Variants in USP12 observed in about 807,000 individuals in gnomAD.
USP12 encodes the protein ubiquitin specific peptidase 12, also known as ubiquitin carboxyl-terminal hydrolase 12.
USP12 carries 19 observed loss-of-function variants against 45.5 expected under a neutral mutation model. The observed-to-expected ratio is 0.42, with a 90% CI of 0.29 to 0.61. The LOEUF is 0.61. Ranked by LOEUF, USP12 falls within the 20% of genes least tolerant of loss-of-function variation. USP12 has a pLI of 0.22. For missense variants in USP12, 242 were observed against 447.7 expected (o/e 0.54, Z 4.15); for synonymous variants, 149 against 148.8 (o/e 1.00, Z -0.01).
At chr13:27,150,163 T>C (rs1877504313) in intron 1 of USP12, among the ~76,000 whole-genome samples, 1 of 152,228 alleles carries the variant, frequency 6.6e-6, no homozygotes, top group Non-Finnish European at 1.5e-5. Flanking sequence ...AATTTGATCA[T>C]TACACATTGT....
chr13:27,083,686 G>A (rs1325128065), intron 6 of USP12, among the ~76,000 whole-genome samples: 1 of 151,994 alleles, frequency 6.6e-6, no homozygotes, highest in African/African-American at 2.4e-5. Context: ...AGTAAATTCT[G>A]GAAAAAGCTG....
chr13:27,082,665 G>A (rs1016385086), intron 6 of USP12, among the ~76,000 whole-genome samples: 3 of 152,208 alleles, frequency 2.0e-5, no homozygotes, highest in African/African-American at 7.2e-5. Context: ...CTTAAAGTGA[G>A]AGACATGTAA....
intron 2 of USP12, among the ~76,000 whole-genome samples, chr13:27,113,289 CA>C (rs2137794543): frequency 6.6e-6 from 1 of 152,120 alleles, no homozygotes; most frequent in East Asian, 1.9e-4. Flanking sequence ...AACAAACAAA[CA>C]AAAAACCCAG....
rs778815459 is a variant in USP12, at chr13:27,105,738, T to C, written c.336A>G (p.Lys112=). The C allele has an allele frequency of 8.7e-6, 14 of 1,613,008 alleles. No individual in the cohort carries two copies. Among genetic ancestry groups the C allele is most frequent in the African/African-American group, 1.3e-5 (1 of 74,914 alleles). The change falls in exon 3 of 9, where the codon AAA becomes AAG. Residue 112 remains lysine (K), a synonymous_variant. Coordinates refer to ENST00000282344, the MANE Select transcript of USP12 (RefSeq NM_182488.4). ...PPKKFITRLR[K]ENELFDNYMQ... ...AGTGGGAAGTAGAATTACCATTTTC[T>C]TTCCGTAATCTTGTGATGAACTTCT...
At chr13:27,148,679 T>C (rs1877423348) in intron 1 of USP12, among the ~76,000 whole-genome samples, 1 of 144,572 alleles carries the variant, frequency 6.9e-6, no homozygotes, top group African/African-American at 2.5e-5. Context: ...AAAAAAATTA[T>C]ATATATATAT....
chr13:27,089,185 C>T (rs546561262), intron 6 of USP12, among the ~76,000 whole-genome samples: 1 of 152,102 alleles, frequency 6.6e-6, no homozygotes, highest in African/African-American at 2.4e-5. Context: ...AGGACATTAC[C>T]GGTACATCCT....
At chr13:27,076,664 A>G (rs1042511846) in intron 6 of USP12, among the ~76,000 whole-genome samples, 4 of 152,178 alleles carry the variant, frequency 2.6e-5, no homozygotes, top group African/African-American at 7.2e-5. Flanking sequence ...TGCAGAACTG[A>G]ATTTTAAATG....
Position 27,082,984 on chromosome 13 carries a change from C to A in USP12, c.734+6899G>T, listed in dbSNP as rs188440991. 1.9e-3 allele frequency among the ~76,000 whole-genome samples: 291 copies of A among 152,270 alleles called. 1 individual carries two copies. Among genetic ancestry groups the A allele is most frequent in the African/African-American group, 6.7e-3 (279 of 41,564 alleles). On this transcript the variant is annotated intron_variant, in intron 6 of 8. Transcript: ENST00000282344. ...CCGAGTTGCTGGGATTATAGGCATGCGCCACCACGTCCAGCTAATTTTGTA... is the reference window on the plus strand; with the variant it reads ...CCGAGTTGCTGGGATTATAGGCATGAGCCACCACGTCCAGCTAATTTTGTA...
intron 1 of USP12, among the ~76,000 whole-genome samples, chr13:27,161,048 T>C (rs150128647): frequency 6.6e-6 from 1 of 152,118 alleles, no homozygotes; most frequent in Non-Finnish European, 1.5e-5. Context: ...TATATCCCGT[T>C]TTGTGGAAAA....
At position 27,089,969 on chromosome 13, in the gene USP12, G is replaced by A. The variant is rs762355410; in HGVS notation, c.651-3C>T. ...GAGTTTCTGTGTTGCTGAAACCCCT[G>A]TGTGAAATTCAAAACAAATTTATTT... On this transcript the variant is annotated splice_region_variant and splice_polypyrimidine_tract_variant and intron_variant, in intron 5 of 8. Coordinates refer to ENST00000282344, the MANE Select transcript of USP12 (RefSeq NM_182488.4). 1.9e-6 allele frequency: 3 copies of A among 1,604,520 alleles called. No homozygotes were observed. The African/African-American group carries it at 4.0e-5, about 21-fold the overall frequency.
At chr13:27,157,541 A>T (rs1391750390) in intron 1 of USP12, among the ~76,000 whole-genome samples, 2 of 152,196 alleles carry the variant, frequency 1.3e-5, no homozygotes, top group East Asian at 1.9e-4. Flanking sequence ...TTTTAAAAAA[A>T]ATATAAGTTT....
intron 2 of USP12, among the ~76,000 whole-genome samples, chr13:27,111,304 A>C (rs17520404): frequency 0.049 from 7,465 of 152,254 alleles, 232 homozygotes; most frequent in Middle Eastern, 0.058. Context: ...AAGACCTAAA[A>C]ATTATCTTTC....
intron 1 of USP12, among the ~76,000 whole-genome samples, chr13:27,118,172 C>T (rs1875829271): frequency 6.6e-6 from 1 of 151,838 alleles, no homozygotes; most frequent in East Asian, 1.9e-4. Context: ...CATGAGACTC[C>T]TAAATCTGGG....
chr13:27,075,118 C>A, intron 7 of USP12, 73 bp downstream of exon 7: 1 of 1,440,426 alleles, frequency 6.9e-7, no homozygotes, highest in South Asian at 1.3e-5. Context: ...ATGAATAATT[C>A]ATGAACATCT....
intron 6 of USP12, among the ~76,000 whole-genome samples, chr13:27,076,985 A>G (rs902641011): frequency 6.6e-6 from 1 of 152,210 alleles, no homozygotes; most frequent in Non-Finnish European, 1.5e-5. Context: ...TTAAATGTAT[A>G]ATCTCAAAAA....
intron 1 of USP12, among the ~76,000 whole-genome samples, chr13:27,152,048 G>C (rs1877590971): frequency 6.6e-6 from 1 of 152,176 alleles, no homozygotes; most frequent in South Asian, 2.1e-4. Flanking sequence ...GCCATACACT[G>C]TTGGCAGGAA....
intron 1 of USP12, among the ~76,000 whole-genome samples, chr13:27,161,622 A>C (rs1182040609): frequency 6.6e-6 from 1 of 152,204 alleles, no homozygotes; most frequent in Non-Finnish European, 1.5e-5. Flanking sequence ...AGTGGTTCAC[A>C]CGTGTAATTG....
intron 1 of USP12, among the ~76,000 whole-genome samples, chr13:27,128,064 C>T (rs182655202): frequency 6.6e-6 from 1 of 152,214 alleles, no homozygotes; most frequent in East Asian, 1.9e-4. Context: ...TAATTCATGG[C>T]TAAATGTGTT....
chr13:27,097,166 TA>T (rs538221942), intron 3 of USP12, among the ~76,000 whole-genome samples: 9,996 of 136,604 alleles, frequency 0.073, 335 homozygotes, highest in Admixed American at 0.096. Context: ...ATAGTAAGTT[TA>T]AAAAAAAAAA....
Sources: gnomAD v4.1 joint callset for allele counts (sites outside exome capture counted in the v4.1 genomes callset) on GRCh38, gnomAD v4.1.1 for gene constraint, MANE v1.5 for transcripts, NCBI Gene and HGNC (gene_info 2026-07-23, HGNC 2026-07-21) for gene names.